TMC4: variants seen among roughly 807,000 people sequenced by gnomAD.
TMC4 encodes transmembrane channel like 4.
In TMC4, 70 loss-of-function variants were observed where a neutral mutation model predicts 82.0. The ratio of observed to expected loss-of-function variants is 0.85; its 90% confidence interval spans 0.70 to 1.04. TMC4 has a LOEUF of 1.04. TMC4 is among the 50% of genes least tolerant of loss of function. The pLI is 0.00. For missense variants in TMC4, 879 were observed against 899.0 expected, an observed-to-expected ratio of 0.98 and a Z score of 0.28; for synonymous variants, 446 against 406.0, an observed-to-expected ratio of 1.10 and a Z score of -1.18.
intron 13 of TMC4, 140 bp from the exon 14 acceptor site, chr19:54,160,685 G>A: frequency 1.4e-6 from 2 of 1,469,448 alleles, no homozygotes; most frequent in Non-Finnish European, 1.8e-6. Flanking sequence ...CAGCCCCTCC[G>A]CCTTCAGATC....
At chr19:54,162,977 G>A (rs2146873332) in intron 9 of TMC4, 56 bp downstream of exon 9, 2 of 1,613,638 alleles carry the variant, frequency 1.2e-6, no homozygotes, top group Non-Finnish European at 1.7e-6. Flanking sequence ...GACCCACCCA[G>A]CTCCATCTTT....
chr19:54,162,914 G>C (rs1159512324), intron 9 of TMC4, 119 bp downstream of exon 9: 2 of 1,558,486 alleles, frequency 1.3e-6, no homozygotes, highest in African/African-American at 2.7e-5. Context: ...TCATACCCTT[G>C]GGAGAGTGTT....
intron 2 of TMC4, 34 bp from the exon 3 acceptor site, chr19:54,169,694 C>T (rs1199194634): frequency 5.6e-6 from 9 of 1,608,888 alleles, no homozygotes; most frequent in East Asian, 2.2e-5. Flanking sequence ...TGAGGGGTTT[C>T]GCAGCCCCAG....
intron 9 of TMC4, 46 bp downstream of exon 9, chr19:54,162,987 T>C: frequency 2.5e-6 from 4 of 1,613,842 alleles, no homozygotes; most frequent in Non-Finnish European, 3.4e-6. Context: ...GCTCCATCTT[T>C]CCTTCAGGGA....
chr19:54,173,017 A>G (rs1233061915), intron 1 of TMC4, 22 bp downstream of exon 1: 2 of 1,606,302 alleles, frequency 1.2e-6, no homozygotes, highest in Non-Finnish European at 1.7e-6. Flanking sequence ...GATGGATCTG[A>G]GCTTCTCCTG....
Position 54,163,136 on chromosome 19 carries a change from G to A in TMC4, c.1301C>T (p.Ser434Phe). Residue 434 changes from serine (S) to phenylalanine (F), a missense_variant, in exon 9 of 15, where the codon TCC becomes TTC. Transcript: ENST00000619895. The part of the protein sequence containing the change: ...LLRTVFLRLA[S>F]LVVLLFSLWN... Reference sequence around the variant, plus strand: ...GAGAGAGAAGAGCAGGACCACCAGGGAGGCGAGGCGAAGAAACACGGTCCT... The same window carrying A: ...GAGAGAGAAGAGCAGGACCACCAGGAAGGCGAGGCGAAGAAACACGGTCCT... 6.2e-7 allele frequency: 1 copy of A among 1,613,900 alleles called. No homozygotes were observed. The highest frequency in any genetic ancestry group is 8.5e-7 in the Non-Finnish European group (1 of 1,179,994).
intron 2 of TMC4, 78 bp from the exon 3 acceptor site, chr19:54,169,738 C>A: frequency 6.4e-7 from 1 of 1,561,610 alleles, no homozygotes; most frequent in South Asian, 1.2e-5. Flanking sequence ...CACAATCCAA[C>A]AGTAGAATGG....
rs1300148615 is a variant in TMC4, at chr19:54,171,778, C to T, written c.293+92G>A. On this transcript the variant is annotated intron_variant, in intron 2 of 14. Coordinates refer to ENST00000619895, the MANE Select transcript of TMC4 (RefSeq NM_144686.4). ...AGAGAGAGGCCCCAGAAGCCAGGAGCGGCAGAGGACAGAGGGAGGAGACCG... is the reference window on the plus strand; with the variant it reads ...AGAGAGAGGCCCCAGAAGCCAGGAGTGGCAGAGGACAGAGGGAGGAGACCG... 2.2e-5 allele frequency: 26 copies of T among 1,191,584 alleles called. 2 individuals carry two copies. Among genetic ancestry groups the T allele is most frequent in the South Asian group, 1.1e-4 (7 of 63,688 alleles). 73.8% of individuals were successfully genotyped at this position (1,191,584 alleles called of 1,614,324 possible). A position where few individuals can be genotyped will look rare whatever the true frequency, so the allele number is the denominator to read the frequency against.
chr19:54,162,915 G>T, intron 9 of TMC4, 118 bp downstream of exon 9: 1 of 1,565,524 alleles, frequency 6.4e-7, no homozygotes, highest in Non-Finnish European at 8.8e-7. Flanking sequence ...CATACCCTTG[G>T]GAGAGTGTTC....
chr19:54,171,018 G>C (rs1384567114), intron 2 of TMC4, among the ~76,000 whole-genome samples: 1 of 139,408 alleles, frequency 7.2e-6, no homozygotes, highest in Non-Finnish European at 1.5e-5. Context: ...GTGTGGGAGT[G>C]TTGATACATT....
rs780258924 is a variant in TMC4 at position 54,164,617 on chromosome 19, A to G, written c.946-16T>C. On this transcript the variant is annotated splice_polypyrimidine_tract_variant and intron_variant, in intron 6 of 14. Transcript: ENST00000619895. Reference sequence around the variant, plus strand: ...CCAGCTCCACCTGAAGGCAGGAGAGATGCCCGCTTGGACTCCATTTCCCAA... The same window carrying G: ...CCAGCTCCACCTGAAGGCAGGAGAGGTGCCCGCTTGGACTCCATTTCCCAA... The G allele has an allele frequency of 8.1e-6, 13 of 1,611,710 alleles. No individual in the cohort carries two copies. The South Asian group carries it at 1.4e-4, about 18-fold the overall frequency.
Position 54,162,288 on chromosome 19 carries a change from G to A in TMC4, c.1503-3C>T. The A allele has an allele frequency of 6.4e-7, 1 of 1,551,320 alleles. No homozygotes were observed. On this transcript the variant is annotated splice_region_variant and splice_polypyrimidine_tract_variant and intron_variant, in intron 10 of 14. Coordinates refer to ENST00000619895, the MANE Select transcript of TMC4 (RefSeq NM_144686.4). ...CAGGACAGAGGCCACAGAGGAGCCT[G>A]AAGGACGGGGCGGGGCCGGGCCGGA...
rs752067774 is a variant in TMC4 at position 54,161,175 on chromosome 19, A to G, written c.1772T>C (p.Leu591Pro). Residue 591 changes from leucine (L) to proline (P), a missense_variant, in exon 12 of 15, where the codon CTG becomes CCG. Coordinates refer to ENST00000619895, the MANE Select transcript of TMC4 (RefSeq NM_144686.4). Reference protein sequence around the residue: ...ANFFFPLVLLLGLAISSVPLL... With the variant: ...ANFFFPLVLLPGLAISSVPLL... ...GGGAACGCTGGAGATGGCCAGACCCAGGAGAAGGACCAAGGGGAAAAAGAA... is the reference window on the plus strand; with the variant it reads ...GGGAACGCTGGAGATGGCCAGACCCGGGAGAAGGACCAAGGGGAAAAAGAA... The G allele has an allele frequency of 3.8e-6, 6 of 1,593,664 alleles. No individual in the cohort carries two copies. Among genetic ancestry groups the G allele is most frequent in the Non-Finnish European group, 5.1e-6 (6 of 1,171,882 alleles).
chr19:54,163,141 G>A lies in TMC4; in HGVS notation c.1296C>T (p.Leu432=). 1.2e-6 allele frequency: 2 copies of A among 1,613,832 alleles called. No individual in the cohort carries two copies. Among genetic ancestry groups the A allele is most frequent in the Non-Finnish European group, 1.7e-6 (2 of 1,179,952 alleles). Residue 432 remains leucine, a synonymous_variant, in exon 9 of 15, where the codon CTC becomes CTT. Coordinates refer to ENST00000619895, the MANE Select transcript of TMC4 (RefSeq NM_144686.4). ...AGAAGAGCAGGACCACCAGGGAGGC[G>A]AGGCGAAGAAACACGGTCCTGAAGG... is the stretch of plus-strand genomic sequence containing the variant. ...FILLRTVFLR[L]ASLVVLLFSL...
At chr19:54,160,775 C>T in intron 13 of TMC4, 103 bp downstream of exon 13, 1 of 1,478,174 alleles carries the variant, frequency 6.8e-7, no homozygotes, top group Admixed American at 2.2e-5. Context: ...AGACTCAGTA[C>T]GTTGCCTGCT....
In TMC4 at chr19:54,160,886, C is replaced by A; in HGVS notation, c.1965G>T (p.Leu655=). The A allele has an allele frequency of 6.2e-7, 1 of 1,614,002 alleles. No individual in the cohort carries two copies. The highest frequency in any genetic ancestry group is 8.5e-7 in the Non-Finnish European group (1 of 1,179,970). The change falls in exon 13 of 15, where the codon CTG becomes CTT. Residue 655 remains leucine, a synonymous_variant. Coordinates refer to ENST00000619895, the MANE Select transcript of TMC4 (RefSeq NM_144686.4). ...GTQAFAVPLL[L]ISSILMAYTV... ...AGTCTGGGCCGTCTCACCTGGAGAT[C>A]AGCAGAAGGGGCACAGCAAAAGCCT...
Position 54,171,083 on chromosome 19 carries a change from GTATA to G in TMC4, c.293+783_293+786del, listed in dbSNP as rs575653907. Among the ~76,000 whole-genome samples the G allele has an allele frequency of 5.2e-4, 19 of 36,388 alleles. No individual in the cohort carries two copies. In the South Asian group the frequency reaches 0.01, roughly 20 times the overall value. 23.9% of individuals were successfully genotyped at this position (36,388 alleles called of 152,430 possible). Reference sequence around the variant, plus strand: ...TACACATATATATACATATATATGTGTATATATATACACACATATGCATATATAT... The same window carrying G: ...TACACATATATATACATATATATGTGTATATACACACATATGCATATATAT... On this transcript the variant is annotated intron_variant, in intron 2 of 14. Transcript: ENST00000619895.
intron 2 of TMC4, among the ~76,000 whole-genome samples, chr19:54,170,038 T>C (rs915031001): frequency 6.6e-6 from 1 of 151,106 alleles, no homozygotes; most frequent in Admixed American, 6.6e-5. Flanking sequence ...GAGGTGGAGG[T>C]TGCAGTGAGC....
chr19:54,164,352 C>G (rs2146881161), intron 7 of TMC4, 82 bp downstream of exon 7: 1 of 1,494,554 alleles, frequency 6.7e-7, no homozygotes, highest in South Asian at 1.3e-5. Flanking sequence ...TCTCTGGCAT[C>G]CCAAACTTCC....
Sources: allele counts gnomAD v4.1 joint callset (sites outside exome capture counted in the v4.1 genomes callset), GRCh38; gene constraint gnomAD v4.1.1; transcripts MANE v1.5; gene names NCBI Gene and HGNC (gene_info 2026-07-23, HGNC 2026-07-21).